The following CDH12 variants were observed in gnomAD, a reference collection of about 807,000 sequenced individuals.
The protein encoded by CDH12 is cadherin-12.
A neutral mutation model predicts 74.1 loss-of-function variants in CDH12; 41 were observed. That is an observed-to-expected ratio of 0.55 (90% CI 0.43 to 0.72). The LOEUF is 0.72. CDH12 is among the 30% of genes least tolerant of loss of function. The probability of loss-of-function intolerance (pLI) is 0.00; values close to 1 mark genes in which losing one functional copy is unlikely to be tolerated. For synonymous variants in CDH12, 399 were observed against 355.0 expected (o/e 1.12, Z -1.39); for missense variants, 945 against 977.2 (o/e 0.97, Z 0.44).
chr5:22,448,151 C>G (rs771854953), intron 2 of CDH12, among the ~76,000 whole-genome samples: 1 of 147,650 alleles, frequency 6.8e-6, no homozygotes, highest in Non-Finnish European at 1.5e-5. Flanking sequence ...GAGTAAGACC[C>G]TGTGTCAAAA....
At chr5:22,635,789 C>T (rs539134365) in intron 1 of CDH12, among the ~76,000 whole-genome samples, 1 of 152,122 alleles carries the variant, frequency 6.6e-6, no homozygotes, top group African/African-American at 2.4e-5. Context: ...TGGCATGCGC[C>T]TGTAATCCCA....
chr5:22,439,793 A>G (rs1744550910), intron 2 of CDH12, among the ~76,000 whole-genome samples: 1 of 152,104 alleles, frequency 6.6e-6, no homozygotes, highest in Non-Finnish European at 1.5e-5. Context: ...AAAGAATCTG[A>G]TAAGTTCTTA....
intron 4 of CDH12, among the ~76,000 whole-genome samples, chr5:22,199,093 G>A (rs1197415637): frequency 1.3e-5 from 2 of 152,064 alleles, no homozygotes; most frequent in Admixed American, 6.6e-5. Flanking sequence ...CTGCACCTGC[G>A]AGTACAGAAT....
chr5:22,529,496 A>G (rs1307704880), intron 1 of CDH12, among the ~76,000 whole-genome samples: 1 of 152,096 alleles, frequency 6.6e-6, no homozygotes, highest in Non-Finnish European at 1.5e-5. Context: ...AGCAGTAGGA[A>G]TCCACTTACT....
chr5:22,209,851 C>G (rs1751430180), intron 4 of CDH12, among the ~76,000 whole-genome samples: 1 of 152,116 alleles, frequency 6.6e-6, no homozygotes. Context: ...GGGCTGGAAA[C>G]AGTCACCATA....
chr5:22,776,325 C>T (rs7710515), intron 1 of CDH12, among the ~76,000 whole-genome samples: 4,877 of 152,156 alleles, frequency 0.032, 261 homozygotes, highest in African/African-American at 0.11. Context: ...ATTAATTCAA[C>T]ACGATGTTTA....
intron 6 of CDH12, among the ~76,000 whole-genome samples, chr5:21,875,265 C>T (rs1284059020): frequency 2.6e-5 from 4 of 152,264 alleles, no homozygotes; most frequent in East Asian, 3.9e-4. Context: ...GTCACTTAAA[C>T]ATTCTAAACC....
intron 6 of CDH12, among the ~76,000 whole-genome samples, chr5:21,940,677 G>T (rs1233797359): frequency 3.3e-5 from 5 of 152,116 alleles, no homozygotes; most frequent in Non-Finnish European, 7.4e-5. Context: ...GCTTCATGTA[G>T]TATAAATCTG....
chr5:22,732,182 G>T (rs1010477946), intron 1 of CDH12, among the ~76,000 whole-genome samples: 2 of 151,718 alleles, frequency 1.3e-5, no homozygotes, highest in African/African-American at 2.4e-5. Context: ...TTCTGTGCAG[G>T]TCTGTTTTCT....
intron 2 of CDH12, among the ~76,000 whole-genome samples, chr5:22,438,016 T>G (rs964881785): frequency 6.6e-6 from 1 of 152,196 alleles, no homozygotes; most frequent in Non-Finnish European, 1.5e-5. Context: ...TGTTACTCCA[T>G]AATTTTTTTA....
At chr5:22,117,654 T>C (rs5017928) in intron 4 of CDH12, among the ~76,000 whole-genome samples, 1,677 of 147,958 alleles carry the variant, frequency 0.011, 33 homozygotes, top group African/African-American at 0.039. Flanking sequence ...TTATTCGCTT[T>C]AAATCTATAA....
intron 6 of CDH12, among the ~76,000 whole-genome samples, chr5:21,949,508 C>A (rs912806572): frequency 6.6e-6 from 1 of 151,102 alleles, no homozygotes; most frequent in Non-Finnish European, 1.5e-5. Flanking sequence ...TGGTCCTTCA[C>A]GAGGCATTTC....
intron 1 of CDH12, among the ~76,000 whole-genome samples, chr5:22,689,491 T>C (rs1320160831): frequency 6.6e-6 from 1 of 152,014 alleles, no homozygotes; most frequent in Non-Finnish European, 1.5e-5. Flanking sequence ...AATAGCAAAA[T>C]AAAAATGAGT....
At chr5:22,765,816 T>C (rs1353168152) in intron 1 of CDH12, among the ~76,000 whole-genome samples, 1 of 151,786 alleles carries the variant, frequency 6.6e-6, no homozygotes, top group Non-Finnish European at 1.5e-5. Context: ...ATAGAGTTCC[T>C]TAAAGAAGAT....
chr5:22,456,362 T>G (rs553856277), intron 2 of CDH12, among the ~76,000 whole-genome samples: 1 of 151,994 alleles, frequency 6.6e-6, no homozygotes, highest in Non-Finnish European at 1.5e-5. Flanking sequence ...CAGTGTGTAT[T>G]GACTCCTGTA....
At chr5:21,842,572 G>A (rs1331959988) in intron 7 of CDH12, among the ~76,000 whole-genome samples, 1 of 152,048 alleles carries the variant, frequency 6.6e-6, no homozygotes. Flanking sequence ...AAAGAACAAT[G>A]TATCACCTCT....
At chr5:22,594,281 C>G (rs2126803571) in intron 1 of CDH12, among the ~76,000 whole-genome samples, 1 of 152,310 alleles carries the variant, frequency 6.6e-6, no homozygotes, top group East Asian at 1.9e-4. Flanking sequence ...TTCTCAAAGA[C>G]AGCATGCCTG....
At chr5:22,217,112 A>T (rs1751833365) in intron 3 of CDH12, among the ~76,000 whole-genome samples, 1 of 151,986 alleles carries the variant, frequency 6.6e-6, no homozygotes, top group South Asian at 2.1e-4. Flanking sequence ...TATAGCAAGG[A>T]TGTGTTGATT....
At chr5:22,650,361 T>G (rs1739671432) in intron 1 of CDH12, among the ~76,000 whole-genome samples, 1 of 152,058 alleles carries the variant, frequency 6.6e-6, no homozygotes, top group African/African-American at 2.4e-5. Context: ...ATCTAGTCTT[T>G]GACCACTTAG....
Sources: gnomAD v4.1 joint callset for allele counts (sites outside exome capture counted in the v4.1 genomes callset) on GRCh38, gnomAD v4.1.1 for gene constraint, MANE v1.5 for transcripts, NCBI Gene and HGNC (gene_info 2026-07-23, HGNC 2026-07-21) for gene names.